Variants in ADIPOR2 observed in about 807,000 individuals in gnomAD.
ADIPOR2 encodes the protein adiponectin receptor protein 2.
In ADIPOR2, 18 loss-of-function variants were observed where a neutral mutation model predicts 40.9. The observed-to-expected ratio is 0.44, with a 90% CI of 0.30 to 0.65. The LOEUF (loss-of-function observed/expected upper bound fraction) is 0.65. Ranked by LOEUF, ADIPOR2 falls within the 30% of genes least tolerant of loss-of-function variation. The probability of loss-of-function intolerance (pLI) is 0.09; values close to 1 mark genes in which losing one functional copy is unlikely to be tolerated. For synonymous variants in ADIPOR2, 165 were observed against 166.4 expected (o/e 0.99, Z 0.06); for missense variants, 283 against 479.2 (o/e 0.59, Z 3.82).
At chr12:1,770,216 C>G (rs1332350817) in intron 2 of ADIPOR2, among the ~76,000 whole-genome samples, 1 of 152,184 alleles carries the variant, frequency 6.6e-6, no homozygotes, top group Non-Finnish European at 1.5e-5. Flanking sequence ...TGCACTTAGC[C>G]TGATAATCAG....
chr12:1,758,828 T>G (rs1221711120), intron 2 of ADIPOR2, among the ~76,000 whole-genome samples: 1 of 152,248 alleles, frequency 6.6e-6, no homozygotes, highest in Non-Finnish European at 1.5e-5. Context: ...ATATCTTAAT[T>G]GTGTCACTTT....
intron 1 of ADIPOR2, among the ~76,000 whole-genome samples, chr12:1,747,067 TA>T (rs775067721): frequency 2.9e-5 from 3 of 101,710 alleles, no homozygotes; most frequent in East Asian, 3.2e-4. Context: ...CCCCAAAAAA[TA>T]AAAAAAACAA....
intron 1 of ADIPOR2, among the ~76,000 whole-genome samples, chr12:1,752,230 CTTT>C (rs67598229): frequency 0.19 from 14,480 of 74,706 alleles, 1,238 homozygotes; most frequent in Middle Eastern, 0.42. Flanking sequence ...CTCCTGGCCT[CTTT>C]TTTTTTTTTT....
At chr12:1,780,354 ATTG>A (rs1862689566) in intron 4 of ADIPOR2, 94 bp from the exon 5 acceptor site, 3 of 1,225,414 alleles carry the variant, frequency 2.4e-6, no homozygotes, top group Middle Eastern at 2.8e-4. Flanking sequence ...TGATTCAGAT[ATTG>A]TTGTAATGCA....
chr12:1,715,519 CGA>C (rs2094685770), intron 1 of ADIPOR2, among the ~76,000 whole-genome samples: 2 of 152,118 alleles, frequency 1.3e-5, no homozygotes, highest in Admixed American at 1.3e-4. Context: ...CTCTCAACCC[CGA>C]GTTATCGTGG....
At chr12:1,730,510 G>A (rs1340236510) in intron 1 of ADIPOR2, among the ~76,000 whole-genome samples, 1 of 151,698 alleles carries the variant, frequency 6.6e-6, no homozygotes, top group Non-Finnish European at 1.5e-5. Flanking sequence ...CCAGCTACAC[G>A]GGAAGCTGAG....
At chr12:1,701,336 A>G (rs1281359850) in intron 1 of ADIPOR2, among the ~76,000 whole-genome samples, 1 of 152,072 alleles carries the variant, frequency 6.6e-6, no homozygotes, top group Non-Finnish European at 1.5e-5. Context: ...CCTGTTGCCC[A>G]GGCTGGTCTC....
chr12:1,697,522 C>G (rs1454633545), intron 1 of ADIPOR2: 2 of 152,884 alleles, frequency 1.3e-5, no homozygotes, highest in Non-Finnish European at 2.9e-5. Context: ...CCAAAGATAT[C>G]TTGGCTGCAG....
At chr12:1,737,345 G>T (rs969487503) in intron 1 of ADIPOR2, among the ~76,000 whole-genome samples, 25 of 151,466 alleles carry the variant, frequency 1.7e-4, no homozygotes, top group African/African-American at 5.6e-4. Context: ...TTTTGTTGTT[G>T]TTTTTTTTCT....
intron 1 of ADIPOR2, among the ~76,000 whole-genome samples, chr12:1,695,031 T>TG (rs144265691): frequency 0.075 from 6,484 of 86,662 alleles, 242 homozygotes; most frequent in East Asian, 0.3. Context: ...TTTTTTTGTT[T>TG]TGTTTTTTTA....
At chr12:1,721,548 T>G (rs1218064451) in intron 1 of ADIPOR2, among the ~76,000 whole-genome samples, 1 of 152,214 alleles carries the variant, frequency 6.6e-6, no homozygotes, top group Non-Finnish European at 1.5e-5. Context: ...AACTGAGACC[T>G]GTCTCAAATT....
At chr12:1,764,480 T>G (rs1264063235) in intron 2 of ADIPOR2, among the ~76,000 whole-genome samples, 1 of 152,046 alleles carries the variant, frequency 6.6e-6, no homozygotes, top group Non-Finnish European at 1.5e-5. Context: ...CCCTGATCTC[T>G]TCTGTATCAT....
chr12:1,759,023 T>G (rs940292209), intron 2 of ADIPOR2, among the ~76,000 whole-genome samples: 1 of 152,240 alleles, frequency 6.6e-6, no homozygotes, highest in Non-Finnish European at 1.5e-5. Flanking sequence ...CAAAGCTGCC[T>G]TTATGAGAAT....
At chr12:1,779,052 G>A (rs1862658312) in intron 4 of ADIPOR2, among the ~76,000 whole-genome samples, 1 of 152,228 alleles carries the variant, frequency 6.6e-6, no homozygotes, top group African/African-American at 2.4e-5. Context: ...TGGCAAGGAT[G>A]TGGGGAAATT....
At chr12:1,744,570 CAA>C (rs1344880336) in intron 1 of ADIPOR2, among the ~76,000 whole-genome samples, 1 of 150,954 alleles carries the variant, frequency 6.6e-6, no homozygotes, top group Non-Finnish European at 1.5e-5. Flanking sequence ...CTCCTGACCT[CAA>C]GTGATCCACC....
At chr12:1,715,693 G>T (rs1469602602) in intron 1 of ADIPOR2, among the ~76,000 whole-genome samples, 1 of 152,150 alleles carries the variant, frequency 6.6e-6, no homozygotes, top group African/African-American at 2.4e-5. Flanking sequence ...TTTAGAGGGG[G>T]GATTGAGAGG....
intron 1 of ADIPOR2, among the ~76,000 whole-genome samples, chr12:1,708,867 G>T (rs1282829731): frequency 6.6e-6 from 1 of 151,842 alleles, no homozygotes; most frequent in Admixed American, 6.6e-5. Flanking sequence ...TTACAGGTGT[G>T]CACCACCACG....
At chr12:1,726,602 T>C (rs1214245069) in intron 1 of ADIPOR2, among the ~76,000 whole-genome samples, 1 of 152,194 alleles carries the variant, frequency 6.6e-6, no homozygotes, top group Non-Finnish European at 1.5e-5. Context: ...CATTTCATCA[T>C]GTAATACTTT....
intron 7 of ADIPOR2, among the ~76,000 whole-genome samples, chr12:1,784,428 A>C (rs2154444568): frequency 6.6e-6 from 1 of 152,400 alleles, no homozygotes; most frequent in South Asian, 2.1e-4. Flanking sequence ...GTGGTAGAAC[A>C]GGAATTTGAA....
Sources: allele counts gnomAD v4.1 joint callset (sites outside exome capture counted in the v4.1 genomes callset), GRCh38; gene constraint gnomAD v4.1.1; transcripts MANE v1.5; gene names NCBI Gene and HGNC (gene_info 2026-07-23, HGNC 2026-07-21).